MALRD1: variants seen among roughly 807,000 people sequenced by gnomAD.
MALRD1 encodes MAM and LDL receptor class A domain containing 1, also known as MAM and LDL-receptor class A domain-containing protein 1.
MALRD1 carries 247 observed loss-of-function variants against 242.1 expected under a neutral mutation model. That is an observed-to-expected ratio of 1.02 (90% CI 0.92 to 1.13). MALRD1 has a LOEUF of 1.13. MALRD1 is among the 50% of genes most tolerant of loss of function. MALRD1 has a pLI of 0.00. For missense variants in MALRD1, 2,989 were observed against 2,533.1 expected (o/e 1.18, Z -3.86); for synonymous variants, 995 against 866.6 (o/e 1.15, Z -2.60).
intron 19 of MALRD1, among the ~76,000 whole-genome samples, chr10:19,259,852 G>A (rs1328871331): frequency 6.6e-6 from 1 of 151,978 alleles, no homozygotes; most frequent in Non-Finnish European, 1.5e-5. Flanking sequence ...TTCTTATCTG[G>A]CATTTTCTAT....
chr10:19,477,638 A>G (rs573226071), intron 29 of MALRD1, among the ~76,000 whole-genome samples: 2 of 152,252 alleles, frequency 1.3e-5, no homozygotes, highest in East Asian at 3.9e-4. Flanking sequence ...AAAGAAGGAG[A>G]AAAAAGAATA....
chr10:19,122,318 G>T (rs1409702589), intron 5 of MALRD1, among the ~76,000 whole-genome samples: 1 of 152,184 alleles, frequency 6.6e-6, no homozygotes, highest in Non-Finnish European at 1.5e-5. Flanking sequence ...CACTTGAAAT[G>T]AAGACAAGGA....
At chr10:19,199,176 A>T (rs1255891339) in intron 14 of MALRD1, among the ~76,000 whole-genome samples, 1 of 152,086 alleles carries the variant, frequency 6.6e-6, no homozygotes, top group African/African-American at 2.4e-5. Flanking sequence ...TAGAGGAAAA[A>T]AAAATCTTTA....
chr10:19,672,337 C>T (rs1841960076), intron 36 of MALRD1, among the ~76,000 whole-genome samples: 1 of 151,058 alleles, frequency 6.6e-6, no homozygotes, highest in East Asian at 1.9e-4. Context: ...TTATCTACTG[C>T]ATAGATCAAC....
chr10:19,113,792 T>TACACACAC (rs753384799), intron 5 of MALRD1, among the ~76,000 whole-genome samples: 2,820 of 134,476 alleles, frequency 0.021, 41 homozygotes, highest in African/African-American at 0.03. Context: ...TACCACCCCC[T>TACACACAC]ACACACACAC....
rs182281784 is a variant in MALRD1 at position 19,151,821 on chromosome 10, T to C, written c.1559-3254T>C. Among the ~76,000 whole-genome samples the C allele has an allele frequency of 1.3e-3, 191 of 152,324 alleles. 1 individual carries two copies. Among genetic ancestry groups the C allele is most frequent in the African/African-American group, 4.5e-3 (186 of 41,584 alleles). ...TTTTTGTCTATAAGGTAAATTGATT[T>C]TTTAAATATTAAACCCCTCTTGCAC... On this transcript the variant is annotated intron_variant, in intron 11 of 39. Coordinates refer to ENST00000454679, the MANE Select transcript of MALRD1 (RefSeq NM_001142308.3).
intron 25 of MALRD1, among the ~76,000 whole-genome samples, chr10:19,350,508 C>T (rs554719519): frequency 6.6e-6 from 1 of 151,932 alleles, no homozygotes. Context: ...AACTCCTGAC[C>T]TCAGGTGATC....
chr10:19,058,841 A>T (rs765693352), intron 1 of MALRD1, among the ~76,000 whole-genome samples: 1 of 152,148 alleles, frequency 6.6e-6, no homozygotes, highest in African/African-American at 2.4e-5. Flanking sequence ...ATAAATATGA[A>T]AAATAAAAAA....
chr10:19,202,827 T>G (rs1836601355), intron 14 of MALRD1, among the ~76,000 whole-genome samples: 1 of 152,196 alleles, frequency 6.6e-6, no homozygotes, highest in African/African-American at 2.4e-5. Flanking sequence ...TAACACTTAT[T>G]GTCAACAGTT....
At chr10:19,643,321 C>G (rs1190866573) in intron 36 of MALRD1, among the ~76,000 whole-genome samples, 1 of 151,962 alleles carries the variant, frequency 6.6e-6, no homozygotes, top group East Asian at 1.9e-4. Context: ...TGGCAGGTGC[C>G]TGTAATCCCA....
chr10:19,342,128 C>T (rs916023503), intron 24 of MALRD1, among the ~76,000 whole-genome samples: 1 of 151,956 alleles, frequency 6.6e-6, no homozygotes, highest in African/African-American at 2.4e-5. Context: ...ATAGTAAGGT[C>T]GACGTTCCAT....
At chr10:19,413,746 G>A (rs979229938) in intron 28 of MALRD1, among the ~76,000 whole-genome samples, 19 of 151,786 alleles carry the variant, frequency 1.3e-4, no homozygotes, top group Non-Finnish European at 2.9e-5. Context: ...TGCTTTGGGA[G>A]GCCGAGGCGA....
chr10:19,420,305 T>G (rs942012119), intron 28 of MALRD1, among the ~76,000 whole-genome samples: 5 of 151,998 alleles, frequency 3.3e-5, no homozygotes, highest in Admixed American at 6.6e-5. Flanking sequence ...GTAATCGGAA[T>G]GAGTCAGGGT....
chr10:19,445,794 G>A (rs141628282), intron 28 of MALRD1, among the ~76,000 whole-genome samples: 93 of 152,312 alleles, frequency 6.1e-4, no homozygotes, highest in East Asian at 5.2e-3. Flanking sequence ...CTCAAACTCC[G>A]TGCTGGGAGA....
intron 27 of MALRD1, 110 bp from the exon 28 acceptor site, chr10:19,389,342 G>A (rs891757020): frequency 3.4e-6 from 4 of 1,169,830 alleles, no homozygotes; most frequent in Non-Finnish European, 5.0e-6. Flanking sequence ...AATACTTTTG[G>A]CAGCTCAGAT....
intron 26 of MALRD1, among the ~76,000 whole-genome samples, chr10:19,377,949 T>C (rs1251610545): frequency 6.6e-6 from 1 of 152,142 alleles, no homozygotes; most frequent in Non-Finnish European, 1.5e-5. Flanking sequence ...CCAATCCCTT[T>C]CATTCACAAT....
Position 19,704,109 on chromosome 10 carries a change from A to T in MALRD1, c.6314+11555A>T, listed in dbSNP as rs61639474. Among the ~76,000 whole-genome samples the T allele has an allele frequency of 3.0e-3, 407 of 137,022 alleles. 4 individuals are homozygous for T. The highest frequency in any genetic ancestry group is 0.011 in the African/African-American group (399 of 37,582). 89.9% of individuals were successfully genotyped at this position (137,022 alleles called of 152,430 possible). On this transcript the variant is annotated intron_variant, in intron 38 of 39. Coordinates refer to ENST00000454679, the MANE Select transcript of MALRD1 (RefSeq NM_001142308.3). ...TTGTACTAATTTAGTAAATAAACTA[A>T]CAAAAGTTAAAAATCAGAATTTTTT...
chr10:19,671,682 C>T (rs1355111140), intron 36 of MALRD1, among the ~76,000 whole-genome samples: 4 of 152,158 alleles, frequency 2.6e-5, no homozygotes, highest in Non-Finnish European at 5.9e-5. Context: ...ATACATGCTA[C>T]GTATCCATTG....
At position 19,692,358 on chromosome 10, in the gene MALRD1, A is replaced by T. The variant is rs969645868; in HGVS notation, c.6214A>T (p.Asn2072Tyr). The change falls in exon 37 of 40, where the codon AAT (asparagine) becomes TAT (tyrosine). Residue 2072 changes from asparagine to tyrosine, a missense_variant. Transcript: ENST00000454679. The part of the protein sequence containing the change: ...PPATDFTYAQ[N>Y]NTWTLLGIGL... The stretch of plus-strand genomic sequence containing the variant: ...TGCTACAGACTTCACATACGCTCAG[A>T]ATAGTAGGTGACATTATGACTAAAT... 19 of 1,534,744 alleles carry T rather than the reference A, an allele frequency of 1.2e-5. No homozygotes were observed. Among genetic ancestry groups the T allele is most frequent in the Non-Finnish European group, 1.6e-5 (18 of 1,146,016 alleles).
Sources: allele counts gnomAD v4.1 joint callset (sites outside exome capture counted in the v4.1 genomes callset), GRCh38; gene constraint gnomAD v4.1.1; transcripts MANE v1.5; gene names NCBI Gene and HGNC (gene_info 2026-07-23, HGNC 2026-07-21).